DUOX2: variants seen among roughly 807,000 people sequenced by gnomAD.
DUOX2 encodes dual oxidase 2.
In DUOX2, 185 loss-of-function variants were observed where a neutral mutation model predicts 183.3. The observed-to-expected ratio is 1.01, with a 90% CI of 0.90 to 1.14. The LOEUF is 1.14. Among genes scored for constraint, DUOX2 ranks in the 50% most tolerant of loss-of-function variants. The pLI is 0.00. For missense variants in DUOX2, 1,999 were observed against 2,022.9 expected (o/e 0.99, Z 0.23); for synonymous variants, 788 against 812.4 (o/e 0.97, Z 0.51).
Position 45,094,011 on chromosome 15 carries a change from C to T in DUOX2, c.*139G>A, listed in dbSNP as rs548409080. On this transcript the variant is annotated 3_prime_UTR_variant, in exon 34 of 34. Coordinates refer to ENST00000389039, the MANE Select transcript of DUOX2 (RefSeq NM_001363711.2). ...ATAATTGTCTGGGTCAATATTCTCC[C>T]AATATTGGGAGGGGCTCTGCAGCCC... 20 of 1,128,400 alleles carry T rather than the reference C, an allele frequency of 1.8e-5. No homozygotes were observed. The highest frequency in any genetic ancestry group is 3.8e-5 in the South Asian group (3 of 78,544). 69.9% of individuals were successfully genotyped at this position (1,128,400 alleles called of 1,614,324 possible).
Position 45,108,824 on chromosome 15 carries a change from T to C in DUOX2, c.1363A>G (p.Asn455Asp). 1 of 1,614,236 alleles carries C rather than the reference T, an allele frequency of 6.2e-7. No homozygotes were observed. The highest frequency in any genetic ancestry group is 8.5e-7 in the Non-Finnish European group (1 of 1,180,034). ...LLAFGLDIPR[N>D]WSDLNPNVDP... ...ACATTAGGGTTGAGATCACTCCAGT[T>C]CCTTGGGATGTCCAGCCCAAAGGCC... Residue 455 changes from asparagine (N) to aspartate (D), a missense_variant, in exon 12 of 34, where the codon AAC becomes GAC. Physicochemically the swap from Asn to Asp is conservative, Grantham distance 23 (BLOSUM62 1). Transcript: ENST00000389039.
Position 45,111,289 on chromosome 15 carries a change from G to A in DUOX2, c.716-12C>T, listed in dbSNP as rs1036748530. The A allele has an allele frequency of 1.9e-5, 26 of 1,370,038 alleles. No homozygotes were observed. The highest frequency in any genetic ancestry group is 6.0e-5 in the African/African-American group (4 of 66,258). 84.9% of individuals were successfully genotyped at this position (1,370,038 alleles called of 1,614,324 possible). On this transcript the variant is annotated splice_polypyrimidine_tract_variant and intron_variant, in intron 6 of 33. Coordinates refer to ENST00000389039, the MANE Select transcript of DUOX2 (RefSeq NM_001363711.2). Reference sequence around the variant, plus strand: ...CTCTGCCCCGAAGGCTGCATCCGACGTGGGGGCGCAGGGGAGGAGACGAGC... The same window carrying A: ...CTCTGCCCCGAAGGCTGCATCCGACATGGGGGCGCAGGGGAGGAGACGAGC...
intron 18 of DUOX2, among the ~76,000 whole-genome samples, chr15:45,105,012 G>T (rs1894176779): frequency 6.6e-6 from 1 of 152,086 alleles, no homozygotes; most frequent in African/African-American, 2.4e-5. Context: ...GTAGAGATGG[G>T]GTTTCACCAT....
rs1235151442 is a variant in DUOX2, at chr15:45,105,752, A to G, written c.2225T>C (p.Leu742Pro). 1 of 1,614,240 alleles carries G rather than the reference A, an allele frequency of 6.2e-7. No homozygotes were observed. ...QLWDFCVRWALGLHVAEMSEK... is the reference protein window; with the variant it reads ...QLWDFCVRWAPGLHVAEMSEK... ...GCTCATCTCAGCCACATGGAGGCCC[A>G]GAGCCCAGCGCACGCAGAAGTCCCA... Residue 742 changes from leucine to proline, a missense_variant, in exon 18 of 34, where the codon CTG (leucine) becomes CCG (proline). Around this residue, in one of 3 missense-constraint regions of DUOX2, gnomAD observed 1,628 missense variants for 1,608.6 expected, o/e 1.01. Transcript: ENST00000389039.
At position 45,094,704 on chromosome 15, in the gene DUOX2, G is replaced by A. The variant is rs1161762808; in HGVS notation, c.4396-13C>T. 1.2e-6 allele frequency: 2 copies of A among 1,613,788 alleles called. No individual in the cohort carries two copies. The highest frequency in any genetic ancestry group is 1.7e-6 in the Non-Finnish European group (2 of 1,179,880). On this transcript the variant is annotated splice_polypyrimidine_tract_variant and intron_variant, in intron 32 of 33. Coordinates refer to ENST00000389039, the MANE Select transcript of DUOX2 (RefSeq NM_001363711.2). ...GCTCGCAGATGTACTGGGGGCACAG[G>A]GGCAGGTCAGACCAAAGACAGTCAG...
At position 45,112,520 on chromosome 15, in the gene DUOX2, G is replaced by A. The variant is rs201270846; in HGVS notation, c.325+34C>T. 2.8e-5 allele frequency: 45 copies of A among 1,606,958 alleles called. 1 individual carries two copies. In the South Asian group the frequency reaches 4.5e-4, roughly 16 times the overall value. ...CTCCCCCAGGCTGAGCAGAGCGCCA[G>A]ATCAACCCCACTGGTCTCCCCCTTT... On this transcript the variant is annotated intron_variant, in intron 4 of 33. Coordinates refer to ENST00000389039, the MANE Select transcript of DUOX2 (RefSeq NM_001363711.2).
At position 45,109,510 on chromosome 15, in the gene DUOX2, G is replaced by T. The variant is rs1894320678; in HGVS notation, c.1234+14C>A. 1 of 1,612,164 alleles carries T rather than the reference G, an allele frequency of 6.2e-7. No individual in the cohort carries two copies. The highest frequency in any genetic ancestry group is 8.5e-7 in the Non-Finnish European group (1 of 1,178,360). ...TGGTCCCTTACCATCCACCCCTTCT[G>T]GCTCTGAGCTCACCCCTCAGATCTT... is the stretch of plus-strand genomic sequence containing the variant. On this transcript the variant is annotated intron_variant, in intron 11 of 33. Transcript: ENST00000389039.
At chr15:45,103,857 C>A in intron 20 of DUOX2, 103 bp downstream of exon 20, 1 of 1,226,804 alleles carries the variant, frequency 8.2e-7, no homozygotes, top group South Asian at 1.2e-5. Context: ...CCTCTCAGCA[C>A]AGATGACCAC....
chr15:45,112,571 A>G lies in DUOX2; in HGVS notation c.308T>C (p.Val103Ala). Residue 103 changes from valine to alanine, a missense_variant, in exon 4 of 34, where the codon GTA (valine) becomes GCA (alanine). By Grantham distance (64) the Val-to-Ala change is moderately conservative. This residue lies in a region of DUOX2 where 356 missense variants were observed against 356.4 expected (regional missense o/e 1.00). Coordinates refer to ENST00000389039, the MANE Select transcript of DUOX2 (RefSeq NM_001363711.2). The stretch of plus-strand genomic sequence containing the variant: ...GCCCTCACCAAAGAAGACCCCCAGT[A>G]CGGTGCGGTTGTGGAGCGACGGCAG... ...AGLPSLHNRT[V>A]LGVFFGYHVL... The G allele has an allele frequency of 6.2e-7, 1 of 1,613,056 alleles. No homozygotes were observed. Among genetic ancestry groups the G allele is most frequent in the Non-Finnish European group, 8.5e-7 (1 of 1,179,736 alleles).
Position 45,109,360 on chromosome 15 carries a change from A to T in DUOX2, c.1234+164T>A. On this transcript the variant is annotated intron_variant, in intron 11 of 33. Coordinates refer to ENST00000389039, the MANE Select transcript of DUOX2 (RefSeq NM_001363711.2). ...ACAAAAGTGTAAATTAAGCAAAAAA[A>T]AAAAAAAAGTTCAAAGTTCATTTTC... 4.5e-6 allele frequency: 3 copies of T among 665,548 alleles called. No homozygotes were observed. The South Asian group carries it at 5.3e-5, about 12-fold the overall frequency. 41.2% of individuals were successfully genotyped at this position (665,548 alleles called of 1,614,324 possible). A position where few individuals can be genotyped will look rare whatever the true frequency, so the allele number is the denominator to read the frequency against.
In DUOX2 at chr15:45,094,965, C is replaced by T. The variant is rs752617215; in HGVS notation, c.4366G>A (p.Glu1456Lys). The change falls in exon 32 of 34, where the codon GAG becomes AAG. Residue 1456 changes from glutamate to lysine, a missense_variant. Around this residue, in one of 3 missense-constraint regions of DUOX2, gnomAD observed 1,628 missense variants for 1,608.6 expected, o/e 1.01. Transcript: ENST00000389039. ...SVHIYVTQLA[E>K]KFDLRTTMLY... The stretch of plus-strand genomic sequence containing the variant: ...ATGGTGGTCCTGAGGTCGAACTTCT[C>T]AGCCAGCTGGGTGACATAAATGTGC... 9 of 1,614,042 alleles carry T rather than the reference C, an allele frequency of 5.6e-6. No homozygotes were observed. Among genetic ancestry groups the T allele is most frequent in the Non-Finnish European group, 6.8e-6 (8 of 1,180,000 alleles).
chr15:45,102,586 C>A (rs1894110229), intron 20 of DUOX2, among the ~76,000 whole-genome samples: 1 of 152,138 alleles, frequency 6.6e-6, no homozygotes, highest in Non-Finnish European at 1.5e-5. Flanking sequence ...GGCAGCAATG[C>A]TGTGCCATGC....
intron 29 of DUOX2, 43 bp from the exon 30 acceptor site, chr15:45,096,103 C>G: frequency 6.5e-7 from 1 of 1,539,572 alleles, no homozygotes; most frequent in South Asian, 1.1e-5. Context: ...AGAAGGCCTG[C>G]TCCTGGTACC....
In DUOX2 at chr15:45,095,538, A is replaced by T. The variant is rs772129543; in HGVS notation, c.4138T>A (p.Ser1380Thr). 1.2e-5 allele frequency: 19 copies of T among 1,614,070 alleles called. No individual in the cohort carries two copies. Among genetic ancestry groups the T allele is most frequent in the Non-Finnish European group, 1.6e-5 (19 of 1,180,032 alleles). ...GHQEWHKFEV[S>T]VLVGGGIGVT... Reference sequence around the variant, plus strand: ...CCAATGCCCCCTCCCACCAACACTGACACCTCAAATTTATGCCACTCCTGA... The same window carrying T: ...CCAATGCCCCCTCCCACCAACACTGTCACCTCAAATTTATGCCACTCCTGA... Residue 1380 changes from serine (S) to threonine (T), a missense_variant, in exon 31 of 34, where the codon TCA (serine) becomes ACA (threonine). Coordinates refer to ENST00000389039, the MANE Select transcript of DUOX2 (RefSeq NM_001363711.2).
chr15:45,100,823 T>A lies in DUOX2; in HGVS notation c.2937A>T (p.Gly979=). 6.2e-7 allele frequency: 1 copy of A among 1,611,920 alleles called. No individual in the cohort carries two copies. Among genetic ancestry groups the A allele is most frequent in the South Asian group, 1.1e-5 (1 of 91,024 alleles). ...GGGCTTCTGGGGCAGGGGGCCCCAG[T>A]CCCTGGGGGTGGGAGCTGAGAAAAA... ...RTPGERSHPQ[G]LGPPAPEAPE... Residue 979 remains glycine (G), a synonymous_variant, in exon 23 of 34, where the codon GGA becomes GGT. Coordinates refer to ENST00000389039, the MANE Select transcript of DUOX2 (RefSeq NM_001363711.2).
rs780135402 is a variant in DUOX2, at chr15:45,101,794, A to C, written c.2850T>G (p.Asn950Lys). The change falls in exon 21 of 34, where the codon AAT (asparagine) becomes AAG (lysine). Residue 950 changes from asparagine to lysine, a missense_variant and splice_region_variant. This residue lies in a region of DUOX2 where 1,628 missense variants were observed against 1,608.6 expected (regional missense o/e 1.01). Coordinates refer to ENST00000389039, the MANE Select transcript of DUOX2 (RefSeq NM_001363711.2). ...GCCAACCATTCCTCACACACTCACC[A>C]TTTCCACCTCCACCTCCACCTTTGA... is the stretch of plus-strand genomic sequence containing the variant. ...LCVKGGGGGG[N>K]GIRDIFKQNI... 2 of 1,613,946 alleles carry C rather than the reference A, an allele frequency of 1.2e-6. No homozygotes were observed. The highest frequency in any genetic ancestry group is 1.7e-6 in the Non-Finnish European group (2 of 1,179,984).
In DUOX2 at chr15:45,113,429, C is replaced by A. The variant is rs749925690; in HGVS notation, c.-14-4G>T. The A allele has an allele frequency of 1.3e-6, 2 of 1,554,544 alleles. No individual in the cohort carries two copies. Among genetic ancestry groups the A allele is most frequent in the South Asian group, 1.2e-5 (1 of 84,354 alleles). On this transcript the variant is annotated splice_polypyrimidine_tract_variant and splice_region_variant and intron_variant, in intron 1 of 33. Transcript: ENST00000389039. ...CGGAGCATGCCAACCCTGCAGCCTG[C>A]GGGGTGAGGGTGGGGGTGGTAGGTG...
At chr15:45,107,232 C>T (rs1894242890) in intron 14 of DUOX2, 113 bp downstream of exon 14, 7 of 1,413,688 alleles carry the variant, frequency 5.0e-6, no homozygotes, top group South Asian at 4.6e-5. Context: ...GCCTCCTAGC[C>T]CAACACAGAA....
intron 1 of DUOX2, 87 bp from the exon 2 acceptor site, chr15:45,113,512 A>C: frequency 9.6e-7 from 1 of 1,041,732 alleles, no homozygotes; most frequent in Non-Finnish European, 1.4e-6. Flanking sequence ...TCCTACAGCT[A>C]GTACTGGAGG....
Sources: allele counts gnomAD v4.1 joint callset (sites outside exome capture counted in the v4.1 genomes callset), GRCh38; gene constraint gnomAD v4.1.1; regional missense constraint gnomAD v4.1.1; transcripts MANE v1.5; gene names NCBI Gene and HGNC (gene_info 2026-07-23, HGNC 2026-07-21).